TMOD3: variants seen among roughly 807,000 people sequenced by gnomAD.
TMOD3 encodes the protein tropomodulin-3.
A neutral mutation model predicts 39.2 loss-of-function variants in TMOD3; 20 were observed. That is an observed-to-expected ratio of 0.51 (90% CI 0.36 to 0.74). The LOEUF is 0.74. TMOD3 is among the 30% of genes least tolerant of loss of function. TMOD3 has a pLI of 0.00. For synonymous variants in TMOD3, 143 were observed against 145.8 expected, an observed-to-expected ratio of 0.98 and a Z score of 0.14; for missense variants, 381 against 412.8, an observed-to-expected ratio of 0.92 and a Z score of 0.67.
intron 1 of TMOD3, among the ~76,000 whole-genome samples, chr15:51,847,200 A>T (rs916525516): frequency 2.0e-5 from 3 of 152,204 alleles, no homozygotes; most frequent in African/African-American, 4.8e-5. Flanking sequence ...TAATCACAGA[A>T]CTAATCTGGC....
At chr15:51,842,791 A>C (rs1413732682) in intron 1 of TMOD3, among the ~76,000 whole-genome samples, 1 of 152,190 alleles carries the variant, frequency 6.6e-6, no homozygotes, top group African/African-American at 2.4e-5. Context: ...CATGAAGTAC[A>C]AAATACATTA....
In TMOD3 at chr15:51,912,149, C is replaced by T. The variant is rs573723386; in HGVS notation, c.*3339C>T. The T allele has an allele frequency of 2.6e-5, 4 of 152,152 alleles. No homozygotes were observed. Among genetic ancestry groups the T allele is most frequent in the African/African-American group, 7.2e-5 (3 of 41,512 alleles). The allele number at this position is 152,152 out of a possible 1,614,324, so 9.4% of individuals were successfully genotyped here. ...AATTATTTTAAAAAATGTTTTGGGC[C>T]GGGTGCGGTGGCTCACGCCTGTAAT... On this transcript the variant is annotated 3_prime_UTR_variant, in exon 10 of 10. Transcript: ENST00000308580.
At chr15:51,881,546 A>ATTTT (rs1402629961) in intron 3 of TMOD3, among the ~76,000 whole-genome samples, 1 of 49,856 alleles carries the variant, frequency 2.0e-5, no homozygotes, top group African/African-American at 9.5e-5. Flanking sequence ...ATCTTTCTTT[A>ATTTT]TTTCTTTTTT....
At chr15:51,874,324 A>G (rs1395254364) in intron 3 of TMOD3, among the ~76,000 whole-genome samples, 3 of 152,256 alleles carry the variant, frequency 2.0e-5, no homozygotes, top group African/African-American at 7.2e-5. Flanking sequence ...ATATGTCAAT[A>G]TATGAAAAGA....
At chr15:51,869,998 G>GT (rs2141689952) in intron 3 of TMOD3, among the ~76,000 whole-genome samples, 1 of 152,228 alleles carries the variant, frequency 6.6e-6, no homozygotes, top group South Asian at 2.1e-4. Context: ...GAGTGCAATG[G>GT]TGCACCCTCG....
rs1428518247 is a variant in TMOD3 at position 51,860,322 on chromosome 15, G to A, written c.-74-2489G>A. ...TACAGAATTTTCATAGATGATCCGT[G>A]CCAATTTGCCCTTAAGGATTTCTTC... On this transcript the variant is annotated intron_variant, in intron 1 of 9. Coordinates refer to ENST00000308580, the MANE Select transcript of TMOD3 (RefSeq NM_014547.5). 7 of 536,748 alleles carry A rather than the reference G, an allele frequency of 1.3e-5. 1 individual carries two copies. The East Asian group carries it at 2.0e-4, about 16-fold the overall frequency. 33.2% of individuals were successfully genotyped at this position (536,748 alleles called of 1,614,324 possible).
intron 1 of TMOD3, among the ~76,000 whole-genome samples, chr15:51,849,037 G>A (rs1391385743): frequency 2.6e-5 from 4 of 152,168 alleles, no homozygotes; most frequent in East Asian, 1.9e-4. Context: ...AGCTTCTTTC[G>A]GAAGTTGGGA....
intron 1 of TMOD3, among the ~76,000 whole-genome samples, chr15:51,857,151 CTGTT>C (rs1298025260): frequency 6.6e-6 from 1 of 152,178 alleles, no homozygotes; most frequent in African/African-American, 2.4e-5. Context: ...CTCTGCGAGT[CTGTT>C]TACGTAACAT....
chr15:51,902,636 A>ATTTTT (rs1555388650), intron 9 of TMOD3, among the ~76,000 whole-genome samples: 1 of 114,898 alleles, frequency 8.7e-6, no homozygotes. Context: ...TGCCCAGCTA[A>ATTTTT]TTTTTGTATT....
chr15:51,836,314 T>G (rs1461928257), intron 1 of TMOD3, among the ~76,000 whole-genome samples: 4 of 152,030 alleles, frequency 2.6e-5, no homozygotes, highest in Non-Finnish European at 4.4e-5. Flanking sequence ...TCCCCCCTGG[T>G]CTCCCCCACC....
intron 1 of TMOD3, among the ~76,000 whole-genome samples, chr15:51,831,232 A>C (rs996079779): frequency 6.6e-6 from 1 of 152,246 alleles, no homozygotes; most frequent in African/African-American, 2.4e-5. Flanking sequence ...TTTTATGATT[A>C]ATTCCTAAAT....
At chr15:51,869,934 T>C (rs887004577) in intron 3 of TMOD3, among the ~76,000 whole-genome samples, 7 of 148,358 alleles carry the variant, frequency 4.7e-5, no homozygotes, top group African/African-American at 1.7e-4. Context: ...TGGTTGTTTT[T>C]TTGTTTGTTT....
In TMOD3 at chr15:51,912,365, T is replaced by A. The variant is rs1299543985; in HGVS notation, c.*3555T>A. On this transcript the variant is annotated 3_prime_UTR_variant, in exon 10 of 10. Transcript: ENST00000308580. ...TCACTAGAACTCGGGAGGCGGAGGT[T>A]GCAGTTAGCTGAGGTCGCGCCATTG... is the stretch of plus-strand genomic sequence containing the variant. 6.6e-6 allele frequency: 1 copy of A among 151,472 alleles called. No individual in the cohort carries two copies. The highest frequency in any genetic ancestry group is 2.4e-5 in the African/African-American group (1 of 41,144). The allele number at this position is 151,472 out of a possible 1,614,324, so 9.4% of individuals were successfully genotyped here. A position where few individuals can be genotyped will look rare whatever the true frequency, so the allele number is the denominator to read the frequency against.
At chr15:51,868,266 T>C (rs1276649217) in intron 2 of TMOD3, among the ~76,000 whole-genome samples, 2 of 152,130 alleles carry the variant, frequency 1.3e-5, no homozygotes, top group African/African-American at 4.8e-5. Flanking sequence ...TCTGTACATA[T>C]ATATACACTG....
At chr15:51,848,875 A>G (rs2056347953) in intron 1 of TMOD3, among the ~76,000 whole-genome samples, 1 of 152,230 alleles carries the variant, frequency 6.6e-6, no homozygotes, top group Admixed American at 6.5e-5. Flanking sequence ...CAGTTTCTCT[A>G]AGAAGAGCAG....
intron 1 of TMOD3, among the ~76,000 whole-genome samples, chr15:51,857,206 C>A (rs932099164): frequency 6.6e-6 from 1 of 152,054 alleles, no homozygotes; most frequent in Non-Finnish European, 1.5e-5. Flanking sequence ...AGGGTATGTA[C>A]AAATAAGGCA....
intron 3 of TMOD3, among the ~76,000 whole-genome samples, chr15:51,875,578 T>C (rs560601499): frequency 4.0e-5 from 6 of 151,590 alleles, no homozygotes; most frequent in Non-Finnish European, 8.8e-5. Context: ...CTCCAGCATT[T>C]CTCCATATGA....
intron 5 of TMOD3, among the ~76,000 whole-genome samples, chr15:51,889,425 T>C (rs980644916): frequency 2.4e-4 from 36 of 152,292 alleles, no homozygotes; most frequent in African/African-American, 8.4e-4. Flanking sequence ...CATTTTATTA[T>C]CACTACTACT....
chr15:51,862,259 A>C (rs780432069), intron 1 of TMOD3, among the ~76,000 whole-genome samples: 1 of 152,164 alleles, frequency 6.6e-6, no homozygotes, highest in Non-Finnish European at 1.5e-5. Context: ...TCATCTTCAG[A>C]ATGCTGTATT....
Sources: allele counts gnomAD v4.1 joint callset (sites outside exome capture counted in the v4.1 genomes callset), GRCh38; gene constraint gnomAD v4.1.1; transcripts MANE v1.5; gene names NCBI Gene and HGNC (gene_info 2026-07-23, HGNC 2026-07-21).